The following ESR1 variants were observed in gnomAD, a reference collection of about 807,000 sequenced individuals.
ESR1 encodes estrogen receptor 1.
ESR1 carries 12 observed loss-of-function variants against 52.7 expected under a neutral mutation model. The observed-to-expected ratio is 0.23, with a 90% CI of 0.15 to 0.37. ESR1 has a LOEUF of 0.37. ESR1 is among the 10% of genes least tolerant of loss of function. ESR1 has a pLI of 1.00. For missense variants in ESR1, 584 were observed against 779.7 expected (o/e 0.75, Z 2.99); for synonymous variants, 305 against 316.8 (o/e 0.96, Z 0.39).
intron 5 of ESR1, among the ~76,000 whole-genome samples, chr6:152,029,007 C>T (rs1032209716): frequency 1.4e-4 from 21 of 152,308 alleles, no homozygotes; most frequent in African/African-American, 3.4e-4. Context: ...CTGCAGCCTC[C>T]GCTGCTGATA....
intron 2 of ESR1, among the ~76,000 whole-genome samples, chr6:151,850,057 T>TAAAA (rs1554268191): frequency 9.6e-4 from 115 of 120,072 alleles, no homozygotes; most frequent in Non-Finnish European, 1.7e-3. Context: ...TATATATATA[T>TAAAA]AATTTTATAT....
At chr6:151,824,184 T>C (rs1027170471) in intron 1 of ESR1, among the ~76,000 whole-genome samples, 34 of 152,326 alleles carry the variant, frequency 2.2e-4, no homozygotes, top group Admixed American at 2.1e-3. Context: ...TGAGATGATA[T>C]CTCATTGTGG....
chr6:151,723,761 T>G (rs2128024862), intron 2 of ESR1, among the ~76,000 whole-genome samples: 1 of 152,026 alleles, frequency 6.6e-6, no homozygotes, highest in Middle Eastern at 3.4e-3. Flanking sequence ...CCTTAGCTAC[T>G]CGGGAGGCTG....
chr6:151,704,917 T>C (rs564679009), intron 2 of ESR1, among the ~76,000 whole-genome samples: 4 of 151,222 alleles, frequency 2.6e-5, no homozygotes, highest in African/African-American at 7.3e-5. Flanking sequence ...CCAGGTTATG[T>C]ATGCAGGCAG....
intron 5 of ESR1, among the ~76,000 whole-genome samples, chr6:152,054,573 C>T (rs2046953020): frequency 6.6e-6 from 1 of 152,082 alleles, no homozygotes; most frequent in Non-Finnish European, 1.5e-5. Context: ...ATCGTGTCAC[C>T]CACTGGTAAG....
At chr6:152,047,956 A>AT (rs71017517) in intron 5 of ESR1, among the ~76,000 whole-genome samples, 5,381 of 67,754 alleles carry the variant, frequency 0.079, 459 homozygotes, top group East Asian at 0.19. Flanking sequence ...CTCCTCAAGC[A>AT]TTTTTTTTTT....
At chr6:152,006,071 C>A (rs1157112569) in intron 4 of ESR1, among the ~76,000 whole-genome samples, 1 of 151,948 alleles carries the variant, frequency 6.6e-6, no homozygotes, top group Non-Finnish European at 1.5e-5. Context: ...CCAGAATAGT[C>A]ACAGTGATGG....
At chr6:151,949,714 C>T (rs889774624) in intron 4 of ESR1, among the ~76,000 whole-genome samples, 1 of 152,238 alleles carries the variant, frequency 6.6e-6, no homozygotes, top group Non-Finnish European at 1.5e-5. Context: ...TCTACTGCTC[C>T]CGTGGAAGCT....
intron 6 of ESR1, among the ~76,000 whole-genome samples, chr6:152,116,498 C>T (rs1003404829): frequency 2.6e-5 from 4 of 152,028 alleles, no homozygotes; most frequent in South Asian, 4.2e-4. Context: ...ATCAAAAGGC[C>T]TAGAAAGGTA....
At chr6:151,797,411 G>A (rs1776815872) in intron 2 of ESR1, among the ~76,000 whole-genome samples, 1 of 152,228 alleles carries the variant, frequency 6.6e-6, no homozygotes, top group African/African-American at 2.4e-5. Flanking sequence ...AAATGGGACT[G>A]TTAGACTTAA....
In ESR1 at chr6:152,011,996, G is replaced by A. The variant is rs187688591; in HGVS notation, c.1235+202G>A. Among the ~76,000 whole-genome samples, 5 of 143,880 alleles carry A rather than the reference G, an allele frequency of 3.5e-5. No homozygotes were observed. The East Asian group carries it at 1.1e-3, about 30-fold the overall frequency. 94.4% of individuals were successfully genotyped at this position (143,880 alleles called of 152,430 possible). A position where few individuals can be genotyped will look rare whatever the true frequency, so the allele number is the denominator to read the frequency against. On this transcript the variant is annotated intron_variant, in intron 5 of 7. Coordinates refer to ENST00000206249, the MANE Select transcript of ESR1 (RefSeq NM_000125.4). ...TAACTTTCTGCTAGACATTACCTCA[G>A]AAGAATTCTATTATTTCTAATACAC...
chr6:151,693,935 T>C (rs1284226312), intron 1 of ESR1, among the ~76,000 whole-genome samples: 2 of 152,134 alleles, frequency 1.3e-5, no homozygotes, highest in African/African-American at 2.4e-5. Flanking sequence ...GATGTTCTAA[T>C]TCAATGTGAT....
At chr6:151,727,276 A>G (rs905779180) in intron 2 of ESR1, among the ~76,000 whole-genome samples, 1 of 151,552 alleles carries the variant, frequency 6.6e-6, no homozygotes, top group Admixed American at 6.6e-5. Flanking sequence ...GTCTGAGTTC[A>G]CTGTAACCTT....
At chr6:151,788,115 CT>C (rs2128128787) in intron 2 of ESR1, among the ~76,000 whole-genome samples, 1 of 152,268 alleles carries the variant, frequency 6.6e-6, no homozygotes, top group East Asian at 1.9e-4. Context: ...GAAATGAGAT[CT>C]AATTATACTA....
chr6:152,097,604 A>C (rs1033087444), intron 7 of ESR1, among the ~76,000 whole-genome samples: 1 of 152,054 alleles, frequency 6.6e-6, no homozygotes, highest in Non-Finnish European at 1.5e-5. Context: ...ACTAGATAAT[A>C]GTTGTTCTCC....
At chr6:151,740,346 G>GGCT (rs1783001870) in intron 2 of ESR1, among the ~76,000 whole-genome samples, 1 of 138,082 alleles carries the variant, frequency 7.2e-6, no homozygotes, top group Non-Finnish European at 1.5e-5. Flanking sequence ...ATGGTGGCCA[G>GGCT]GCTGGTCTCA....
At chr6:151,659,459 T>C (rs1233036895) in intron 1 of ESR1, among the ~76,000 whole-genome samples, 1 of 152,244 alleles carries the variant, frequency 6.6e-6, no homozygotes, top group Non-Finnish European at 1.5e-5. Context: ...CCCATTTGAT[T>C]GTCCAATGAT....
At chr6:151,967,918 A>T (rs1030633835) in intron 4 of ESR1, among the ~76,000 whole-genome samples, 5 of 151,992 alleles carry the variant, frequency 3.3e-5, no homozygotes, top group African/African-American at 1.2e-4. Flanking sequence ...TTTGATTTGC[A>T]TTTCTCTAAT....
chr6:151,660,475 G>A (rs565230480), intron 1 of ESR1, among the ~76,000 whole-genome samples: 121 of 152,254 alleles, frequency 7.9e-4, no homozygotes, highest in Admixed American at 1.8e-3. Flanking sequence ...TTTATTCATG[G>A]GGTTGTTGTG....
Sources: allele counts gnomAD v4.1 joint callset (sites outside exome capture counted in the v4.1 genomes callset), GRCh38; gene constraint gnomAD v4.1.1; transcripts MANE v1.5; gene names NCBI Gene and HGNC (gene_info 2026-07-23, HGNC 2026-07-21).